Variants in NTM observed in about 807,000 individuals in gnomAD.
NTM encodes the protein neurotrimin, also known as IgLON family member 2.
In NTM, 13 loss-of-function variants were observed where a neutral mutation model predicts 42.1. That is an observed-to-expected ratio of 0.31 (90% CI 0.20 to 0.49). The LOEUF is 0.49. Among genes scored for constraint, NTM ranks in the 20% least tolerant of loss-of-function variants. NTM has a pLI of 0.99. For missense variants in NTM, 373 were observed against 452.8 expected, an observed-to-expected ratio of 0.82 and a Z score of 1.60; for synonymous variants, 187 against 179.2, an observed-to-expected ratio of 1.04 and a Z score of -0.35.
intron 2 of NTM, among the ~76,000 whole-genome samples, chr11:132,098,467 T>G (rs2061281259): frequency 6.6e-6 from 1 of 152,252 alleles, no homozygotes. Flanking sequence ...GCCACCTCTG[T>G]GCATGCTTCA....
chr11:131,399,243 T>A (rs1419997037), intron 1 of NTM, among the ~76,000 whole-genome samples: 4 of 152,134 alleles, frequency 2.6e-5, no homozygotes, highest in African/African-American at 9.7e-5. Context: ...CATAGTTATC[T>A]CCCTTTGAAC....
chr11:131,531,162 G>A (rs2051219294), intron 1 of NTM, among the ~76,000 whole-genome samples: 1 of 152,184 alleles, frequency 6.6e-6, no homozygotes, highest in African/African-American at 2.4e-5. Flanking sequence ...TTTTAGACAG[G>A]ATCTCACTTT....
chr11:131,783,286 T>C (rs1478780361), intron 1 of NTM, among the ~76,000 whole-genome samples: 1 of 152,148 alleles, frequency 6.6e-6, no homozygotes. Flanking sequence ...GACTGTTCAC[T>C]TGAAACTACA....
At chr11:132,141,937 T>C (rs2069241070) in intron 2 of NTM, among the ~76,000 whole-genome samples, 1 of 152,184 alleles carries the variant, frequency 6.6e-6, no homozygotes, top group Non-Finnish European at 1.5e-5. Flanking sequence ...TAATGGCCAC[T>C]GCCAGAGGGC....
At chr11:131,668,771 G>A (rs1294390354) in intron 1 of NTM, among the ~76,000 whole-genome samples, 6 of 152,186 alleles carry the variant, frequency 3.9e-5, no homozygotes, top group Non-Finnish European at 8.8e-5. Flanking sequence ...CCAGAACCTC[G>A]TTAGTCAGAA....
At chr11:132,000,357 C>T (rs527463299) in intron 2 of NTM, among the ~76,000 whole-genome samples, 4 of 152,296 alleles carry the variant, frequency 2.6e-5, no homozygotes, top group South Asian at 2.1e-4. Flanking sequence ...TCTTTGCAAA[C>T]GCTCATCTTT....
In NTM at chr11:132,054,926, A is replaced by G. The variant is rs544901285; in HGVS notation, c.168-91356A>G. ...CTGCCTGGAGTGTAGCTCAGAATGA[A>G]TTATCTGTGGTTAAGGGAGGGGTCA... On this transcript the variant is annotated intron_variant, in intron 2 of 8. Coordinates refer to ENST00000683400, the MANE Select transcript of NTM (RefSeq NM_001352005.2). 2.6e-5 allele frequency among the ~76,000 whole-genome samples: 4 copies of G among 152,272 alleles called. No individual in the cohort carries two copies. In the East Asian group the frequency reaches 5.8e-4, roughly 22 times the overall value.
At chr11:132,244,349 C>T (rs2090717492) in intron 4 of NTM, among the ~76,000 whole-genome samples, 1 of 152,212 alleles carries the variant, frequency 6.6e-6, no homozygotes, top group Non-Finnish European at 1.5e-5. Flanking sequence ...ATATTAAAGA[C>T]AGCTGCGAGG....
chr11:131,425,452 A>G (rs906367032), intron 1 of NTM, among the ~76,000 whole-genome samples: 2 of 152,176 alleles, frequency 1.3e-5, no homozygotes, highest in African/African-American at 4.8e-5. Context: ...TAAAAGCCCA[A>G]CAACATGATA....
At chr11:132,331,491 C>A (rs2095800044) in intron 8 of NTM, among the ~76,000 whole-genome samples, 1 of 152,090 alleles carries the variant, frequency 6.6e-6, no homozygotes, top group Non-Finnish European at 1.5e-5. Flanking sequence ...TTTATTTTTT[C>A]TTCAAGTACA....
At chr11:132,262,399 A>G (rs577705715) in intron 4 of NTM, among the ~76,000 whole-genome samples, 44 of 152,292 alleles carry the variant, frequency 2.9e-4, no homozygotes, top group African/African-American at 7.2e-4. Context: ...ACAAAATACC[A>G]TAGATGGAGT....
At chr11:131,871,998 A>G (rs1465169460) in intron 1 of NTM, among the ~76,000 whole-genome samples, 1 of 152,222 alleles carries the variant, frequency 6.6e-6, no homozygotes, top group Non-Finnish European at 1.5e-5. Context: ...CATGCTGTGT[A>G]CACATGTCTT....
At chr11:132,304,142 G>A (rs116576323) in intron 4 of NTM, among the ~76,000 whole-genome samples, 1 of 152,186 alleles carries the variant, frequency 6.6e-6, no homozygotes, top group African/African-American at 2.4e-5. Context: ...GATAATAAGG[G>A]AGTAGAGTTT....
At chr11:132,131,022 A>G (rs533643282) in intron 2 of NTM, among the ~76,000 whole-genome samples, 24 of 152,370 alleles carry the variant, frequency 1.6e-4, no homozygotes, top group Non-Finnish European at 2.9e-4. Context: ...AGGGCTTTGC[A>G]TGCTGTCATG....
At chr11:131,599,017 A>G (rs77070339) in intron 1 of NTM, among the ~76,000 whole-genome samples, 64,573 of 151,032 alleles carry the variant, frequency 0.43, 15,839 homozygotes, top group East Asian at 0.6. Flanking sequence ...AGGTTCAAGC[A>G]ACTCTCTTGC....
At chr11:131,667,837 G>A (rs957878512) in intron 1 of NTM, among the ~76,000 whole-genome samples, 3 of 152,134 alleles carry the variant, frequency 2.0e-5, no homozygotes, top group African/African-American at 7.2e-5. Context: ...CTGGGCATCC[G>A]CAGGTGTCTC....
At chr11:131,560,450 A>G (rs1411084221) in intron 1 of NTM, among the ~76,000 whole-genome samples, 2 of 152,184 alleles carry the variant, frequency 1.3e-5, no homozygotes, top group Non-Finnish European at 2.9e-5. Flanking sequence ...AAAAAAATCA[A>G]TACCATGAGG....
intron 1 of NTM, among the ~76,000 whole-genome samples, chr11:131,541,082 A>G (rs1565618567): frequency 2.0e-5 from 3 of 152,186 alleles, no homozygotes; most frequent in Non-Finnish European, 1.5e-5. Flanking sequence ...CATCAAATCA[A>G]TCCCCGTGCT....
intron 1 of NTM, among the ~76,000 whole-genome samples, chr11:131,379,447 C>T (rs1250396087): frequency 4.6e-5 from 7 of 152,146 alleles, no homozygotes; most frequent in South Asian, 2.1e-4. Context: ...CCTAACACAG[C>T]GGCTCCAGGA....
Sources: allele counts gnomAD v4.1 joint callset (sites outside exome capture counted in the v4.1 genomes callset), GRCh38; gene constraint gnomAD v4.1.1; transcripts MANE v1.5; gene names NCBI Gene and HGNC (gene_info 2026-07-23, HGNC 2026-07-21).